ECE1: variants seen among roughly 807,000 people sequenced by gnomAD.
ECE1 encodes endothelin-converting enzyme 1.
ECE1 carries 35 observed loss-of-function variants against 98.6 expected under a neutral mutation model. The observed-to-expected ratio is 0.35, with a 90% confidence interval of 0.27 to 0.47. The LOEUF is 0.47. Among genes scored for constraint, ECE1 ranks in the 20% least tolerant of loss-of-function variants. The pLI is 1.00. For missense variants in ECE1, 814 were observed against 1,025.3 expected (o/e 0.79, Z 2.81); for synonymous variants, 394 against 407.1 (o/e 0.97, Z 0.39).
intron 1 of ECE1, among the ~76,000 whole-genome samples, chr1:21,311,915 G>A (rs767387543): frequency 6.6e-6 from 1 of 152,080 alleles, no homozygotes; most frequent in Non-Finnish European, 1.5e-5. Flanking sequence ...CTTGAGGTCA[G>A]GAGTTCAAGA....
rs752567180 is a variant in ECE1 at position 21,225,289 on chromosome 1, C to T, written c.2001G>A (p.Glu667=). 1 of 1,614,236 alleles carries T rather than the reference C, an allele frequency of 6.2e-7. No homozygotes were observed. Among genetic ancestry groups the T allele is most frequent in the South Asian group, 1.1e-5 (1 of 91,088 alleles). Residue 667 remains glutamate (E), a synonymous_variant, in exon 17 of 19, where the codon GAG becomes GAA. Coordinates refer to ENST00000374893, the MANE Select transcript of ECE1 (RefSeq NM_001397.3). This position sits in a 1 kb window ranked among gnomAD's most constrained non-coding sequence, Gnocchi z 5.3. ...TGAGACCCCCGTTGTCGGCGATGTT[C>T]TCCCCCAGGGTGTGCCGCCCGTTCA... The part of the protein sequence containing the change: ...EPVNGRHTLG[E]NIADNGGLKA...
At chr1:21,326,422 A>C (rs978997145) in intron 1 of ECE1, among the ~76,000 whole-genome samples, 1 of 151,938 alleles carries the variant, frequency 6.6e-6, no homozygotes, top group Non-Finnish European at 1.5e-5. Context: ...CAGTCCCCAG[A>C]GAGGGATCAG....
intron 9 of ECE1, among the ~76,000 whole-genome samples, chr1:21,246,263 G>A (rs1461008576): frequency 2.0e-5 from 3 of 152,078 alleles, no homozygotes; most frequent in South Asian, 4.2e-4. Context: ...TCTTTGGGAG[G>A]CTGAGGCAGG....
intron 10 of ECE1, among the ~76,000 whole-genome samples, chr1:21,241,678 C>A (rs1461479235): frequency 6.6e-6 from 1 of 151,868 alleles, no homozygotes; most frequent in Non-Finnish European, 1.5e-5. Context: ...CCAGCCTTGG[C>A]CTCCCAAAAG....
In ECE1 at chr1:21,233,639, T is replaced by C; in HGVS notation, c.1589A>G (p.Tyr530Cys). 6.2e-7 allele frequency: 1 copy of C among 1,613,920 alleles called. No homozygotes were observed. The highest frequency in any genetic ancestry group is 8.5e-7 in the Non-Finnish European group (1 of 1,179,906). ...GAAAAACCGCATGGCATTTTCAAAG[T>C]AGAGGTCTGGAACTGCAGTGTACTA... is the stretch of plus-strand genomic sequence containing the variant. ...FNDYTAVPDL[Y>C]FENAMRFFNF... The change falls in exon 14 of 19, where the codon TAC (tyrosine) becomes TGC (cysteine). Residue 530 changes from tyrosine to cysteine, a missense_variant. This residue lies in a region of ECE1 where 452 missense variants were observed against 567.3 expected (regional missense o/e 0.80). Coordinates refer to ENST00000374893, the MANE Select transcript of ECE1 (RefSeq NM_001397.3). The surrounding 1 kb of genome is among the most constrained non-coding windows in gnomAD (Gnocchi z 4.0).
chr1:21,279,745 C>T (rs1165835380), intron 2 of ECE1: 2 of 1,257,728 alleles, frequency 1.6e-6, no homozygotes, highest in Non-Finnish European at 2.0e-6. Flanking sequence ...ACAAGGGTGA[C>T]ACAGCCATGG....
Position 21,261,190 on chromosome 1 carries a change from T to C in ECE1, c.494-798A>G, listed in dbSNP as rs367693642. Reference sequence around the variant, plus strand: ...GAGCCCTGCTCCAGGCCATGCCAGATACTCTAAACCCCTCAATTCCATCTG... The same window carrying C: ...GAGCCCTGCTCCAGGCCATGCCAGACACTCTAAACCCCTCAATTCCATCTG... On this transcript the variant is annotated intron_variant, in intron 4 of 18. Transcript: ENST00000374893. Among the ~76,000 whole-genome samples the C allele has an allele frequency of 2.5e-4, 38 of 152,316 alleles. No individual in the cohort carries two copies. In the East Asian group the frequency reaches 6.6e-3, roughly 26 times the overall value.
At chr1:21,309,308 T>C (rs1259207642) in intron 1 of ECE1, among the ~76,000 whole-genome samples, 1 of 152,250 alleles carries the variant, frequency 6.6e-6, no homozygotes, top group African/African-American at 2.4e-5. Context: ...ACCCTGGCTC[T>C]GTCATTTACC....
chr1:21,264,396 C>A (rs959979905), intron 4 of ECE1, among the ~76,000 whole-genome samples: 4 of 149,950 alleles, frequency 2.7e-5, no homozygotes, highest in African/African-American at 9.8e-5. Flanking sequence ...CTCACTGCAA[C>A]CTCCGTCTCC....
chr1:21,233,773 C>T lies in ECE1; in HGVS notation c.1567-112G>A, dbSNP rs1430761813. On this transcript the variant is annotated intron_variant, in intron 13 of 18. Transcript: ENST00000374893. The surrounding 1 kb of genome is among the most constrained non-coding windows in gnomAD (Gnocchi z 4.0). ...AGAGATTAATCTGCAGGCTGGAGAC[C>T]GGAATGCAGGGCTTGGGGCTGCAGG... is the stretch of plus-strand genomic sequence containing the variant. 1.1e-5 allele frequency: 11 copies of T among 998,072 alleles called. No homozygotes were observed. The highest frequency in any genetic ancestry group is 8.0e-5 in the African/African-American group (5 of 62,502). The allele number at this position is 998,072 out of a possible 1,614,324, so 61.8% of individuals were successfully genotyped here. A position where few individuals can be genotyped will look rare whatever the true frequency, so the allele number is the denominator to read the frequency against.
intron 1 of ECE1, among the ~76,000 whole-genome samples, chr1:21,316,832 C>T (rs779819589): frequency 6.6e-6 from 1 of 152,170 alleles, no homozygotes; most frequent in Non-Finnish European, 1.5e-5. Flanking sequence ...CAACATGGAG[C>T]CTCCAATCAA....
chr1:21,220,056 G>A lies in ECE1; in HGVS notation c.2212C>T (p.Arg738Trp), dbSNP rs142918103. Residue 738 changes from arginine to tryptophan, a missense_variant, in exon 19 of 19, where the codon CGG becomes TGG. By Grantham distance (101) the Arg-to-Trp change is moderately radical. Coordinates refer to ENST00000374893, the MANE Select transcript of ECE1 (RefSeq NM_001397.3). This position sits in a 1 kb window ranked among gnomAD's most constrained non-coding sequence, Gnocchi z 5.0. ...ITDPHSPSRF[R>W]VIGSLSNSKE... Reference sequence around the variant, plus strand: ...GAATTGGAGAGGGAGCCGATGACCCGGAAGCGAGAGGGGCTGTGGGGATCG... The same window carrying A: ...GAATTGGAGAGGGAGCCGATGACCCAGAAGCGAGAGGGGCTGTGGGGATCG... 1.2e-6 allele frequency: 2 copies of A among 1,614,234 alleles called. No homozygotes were observed. The highest frequency in any genetic ancestry group is 1.7e-6 in the Non-Finnish European group (2 of 1,180,040).
At chr1:21,298,690 C>T (rs1000652639) in intron 1 of ECE1, 25 of 452,016 alleles carry the variant, frequency 5.5e-5, no homozygotes, top group African/African-American at 4.6e-4. Flanking sequence ...TGGAGTGCAG[C>T]GAGCATCAGT....
upstream of ECE1, among the ~76,000 whole-genome samples, chr1:21,291,482 T>C (rs117261891): frequency 1.6e-4 from 25 of 152,320 alleles, no homozygotes; most frequent in East Asian, 4.8e-3. Context: ...CTTCCACTCC[T>C]GCCCTCTGAC....
Position 21,232,086 on chromosome 1 carries a change from C to T in ECE1, c.1670+1472G>A, listed in dbSNP as rs1429731610. Among the ~76,000 whole-genome samples, 21 of 152,124 alleles carry T rather than the reference C, an allele frequency of 1.4e-4. 1 individual carries two copies. Among genetic ancestry groups the T allele is most frequent in the South Asian group, 2.1e-4 (1 of 4,828 alleles). ...TAAAAGCCCACCTTCTTGTACATAG[C>T]GGGGTGTCCTGGTTGGAGGCTGGAA... On this transcript the variant is annotated intron_variant, in intron 14 of 18. Coordinates refer to ENST00000374893, the MANE Select transcript of ECE1 (RefSeq NM_001397.3).
At chr1:21,277,009 C>T (rs1043635194) in intron 3 of ECE1, among the ~76,000 whole-genome samples, 4 of 152,166 alleles carry the variant, frequency 2.6e-5, no homozygotes, top group African/African-American at 4.8e-5. Flanking sequence ...TAAGCTACTG[C>T]GCCCGGCCAG....
Position 21,240,530 on chromosome 1 carries a change from G to C in ECE1, c.1279-2286C>G, listed in dbSNP as rs541590739. On this transcript the variant is annotated intron_variant, in intron 10 of 18. Transcript: ENST00000374893. ...AAACTCACTGAACTGAATACTTAAT[G>C]TACACTGCATTTTTATTGTATGTAA... Among the ~76,000 whole-genome samples the C allele has an allele frequency of 3.3e-5, 5 of 152,258 alleles. No homozygotes were observed. The South Asian group carries it at 8.3e-4, about 25-fold the overall frequency.
intron 1 of ECE1, among the ~76,000 whole-genome samples, chr1:21,325,348 A>T (rs1252084277): frequency 6.6e-6 from 1 of 152,218 alleles, no homozygotes; most frequent in Non-Finnish European, 1.5e-5. Context: ...AAGTAACGTC[A>T]CAATTAAGGG....
rs2098186490 is a variant in ECE1, at chr1:21,235,193, C to T, written c.1566+657G>A. 6.6e-6 allele frequency among the ~76,000 whole-genome samples: 1 copy of T among 152,156 alleles called. No homozygotes were observed. ...AATACCTGAATTCAAGTATTTCAAT[C>T]ACAAGAAGATATAAAACTTCATAAT... On this transcript the variant is annotated intron_variant, in intron 13 of 18. Coordinates refer to ENST00000374893, the MANE Select transcript of ECE1 (RefSeq NM_001397.3). The surrounding 1 kb of genome is among the most constrained non-coding windows in gnomAD (Gnocchi z 4.2).
Sources: allele counts gnomAD v4.1 joint callset (sites outside exome capture counted in the v4.1 genomes callset), GRCh38; gene constraint gnomAD v4.1.1; regional missense constraint gnomAD v4.1.1; non-coding constraint Gnocchi (gnomAD v3.1); transcripts MANE v1.5; gene names NCBI Gene and HGNC (gene_info 2026-07-23, HGNC 2026-07-21).